FCHO2: variants seen among roughly 807,000 people sequenced by gnomAD.
FCHO2 encodes F-BAR domain only protein 2.
A neutral mutation model predicts 114.1 loss-of-function variants in FCHO2; 43 were observed. The observed-to-expected ratio is 0.38, with a 90% CI of 0.30 to 0.49. The LOEUF (loss-of-function observed/expected upper bound fraction) is 0.49. FCHO2 is among the 20% of genes least tolerant of loss of function. The pLI is 0.97. For missense variants in FCHO2, 807 were observed against 950.4 expected (o/e 0.85, Z 1.98); for synonymous variants, 293 against 315.2 (o/e 0.93, Z 0.75).
chr5:73,074,060 A>G (rs1742800170), intron 19 of FCHO2, among the ~76,000 whole-genome samples: 2 of 152,090 alleles, frequency 1.3e-5, no homozygotes. Flanking sequence ...TACATTTAAA[A>G]CAATAAACAG....
chr5:73,072,092 G>A (rs1742684576), intron 19 of FCHO2, among the ~76,000 whole-genome samples: 1 of 151,468 alleles, frequency 6.6e-6, no homozygotes, highest in Non-Finnish European at 1.5e-5. Flanking sequence ...TCAGGGATAT[G>A]ATCATAGCTC....
chr5:73,034,545 G>T (rs188981528), intron 8 of FCHO2, 112 bp from the exon 9 acceptor site: 1 of 720,354 alleles, frequency 1.4e-6, no homozygotes, highest in East Asian at 2.9e-5. Flanking sequence ...CAATTAAAAA[G>T]ATGCGTTGTC....
chr5:73,055,287 G>A (rs1400087531), intron 15 of FCHO2, among the ~76,000 whole-genome samples: 1 of 152,124 alleles, frequency 6.6e-6, no homozygotes, highest in East Asian at 1.9e-4. Context: ...TTGAAGAATA[G>A]CACAATAAAC....
At chr5:73,039,658 TG>T (rs1466790172) in intron 10 of FCHO2, among the ~76,000 whole-genome samples, 1 of 148,998 alleles carries the variant, frequency 6.7e-6, no homozygotes, top group African/African-American at 2.5e-5. Flanking sequence ...CCAGGCCCGG[TG>T]GCTCATGCCT....
At chr5:73,033,794 C>T (rs1487722159) in intron 8 of FCHO2, among the ~76,000 whole-genome samples, 1 of 152,136 alleles carries the variant, frequency 6.6e-6, no homozygotes, top group Non-Finnish European at 1.5e-5. Context: ...TACTTTCTCA[C>T]ACTGCCAAAT....
intron 10 of FCHO2, among the ~76,000 whole-genome samples, chr5:73,039,355 G>C (rs1179189298): frequency 6.6e-6 from 1 of 152,186 alleles, no homozygotes; most frequent in East Asian, 1.9e-4. Context: ...CCAATGACTG[G>C]AGTGTTTTGG....
In FCHO2 at chr5:73,068,825, A is replaced by G. The variant is rs370258789; in HGVS notation, c.1579+46A>G. On this transcript the variant is annotated intron_variant, in intron 19 of 25. Coordinates refer to ENST00000430046, the MANE Select transcript of FCHO2 (RefSeq NM_138782.3). Reference sequence around the variant, plus strand: ...ACATGTGAAATGTAGTGTACAAAGTATATGTATGCTAAATATGTATATATT... The same window carrying G: ...ACATGTGAAATGTAGTGTACAAAGTGTATGTATGCTAAATATGTATATATT... 8 of 1,558,364 alleles carry G rather than the reference A, an allele frequency of 5.1e-6. No homozygotes were observed. In the African/African-American group the frequency reaches 9.6e-5, roughly 19 times the overall value.
intron 1 of FCHO2, among the ~76,000 whole-genome samples, chr5:72,964,138 TTAAC>T (rs1402137453): frequency 6.6e-6 from 1 of 152,080 alleles, no homozygotes; most frequent in African/African-American, 2.4e-5. Context: ...AATTAAAAAA[TTAAC>T]TACTGTTTGC....
At chr5:73,048,080 A>G (rs543214942) in intron 11 of FCHO2, among the ~76,000 whole-genome samples, 2 of 137,228 alleles carry the variant, frequency 1.5e-5, no homozygotes, top group African/African-American at 5.4e-5. Context: ...GGCTCAAGCA[A>G]TCTTCCTGCC....
intron 11 of FCHO2, among the ~76,000 whole-genome samples, chr5:73,041,825 A>G (rs1756818968): frequency 6.6e-6 from 1 of 152,114 alleles, no homozygotes; most frequent in African/African-American, 2.4e-5. Flanking sequence ...ATGTGTAATT[A>G]AAGAAGACAT....
chr5:73,078,073 C>A, intron 21 of FCHO2, 107 bp from the exon 22 acceptor site: 1 of 802,388 alleles, frequency 1.2e-6, no homozygotes, highest in Non-Finnish European at 1.8e-6. Flanking sequence ...TTCATCCCAC[C>A]TCTTGGTTTA....
chr5:73,012,028 C>G (rs1025157027), intron 6 of FCHO2, among the ~76,000 whole-genome samples: 1 of 152,086 alleles, frequency 6.6e-6, no homozygotes, highest in Non-Finnish European at 1.5e-5. Context: ...GGATTACACT[C>G]TAATAATAAA....
In FCHO2 at chr5:72,991,280, T is replaced by C. The variant is rs182187028; in HGVS notation, c.495+416T>C. Among the ~76,000 whole-genome samples, 289 of 152,296 alleles carry C rather than the reference T, an allele frequency of 1.9e-3. 5 individuals carry two copies. The highest frequency in any genetic ancestry group is 6.5e-3 in the African/African-American group (272 of 41,568). ...GGTTTCGCCATGTTAGTCAGGTTGGTCTCGAACTCCTGACCTCAGGTGATC... is the reference window on the plus strand; with the variant it reads ...GGTTTCGCCATGTTAGTCAGGTTGGCCTCGAACTCCTGACCTCAGGTGATC... On this transcript the variant is annotated intron_variant, in intron 5 of 25. Coordinates refer to ENST00000430046, the MANE Select transcript of FCHO2 (RefSeq NM_138782.3).
chr5:73,030,978 A>G (rs566737019), intron 8 of FCHO2, among the ~76,000 whole-genome samples: 3 of 152,216 alleles, frequency 2.0e-5, no homozygotes, highest in Non-Finnish European at 4.4e-5. Flanking sequence ...AGCAAATGCT[A>G]TATTTGTTAT....
intron 19 of FCHO2, among the ~76,000 whole-genome samples, chr5:73,071,925 ATATT>A (rs1742678234): frequency 1.3e-5 from 2 of 152,174 alleles, no homozygotes; most frequent in Admixed American, 6.6e-5. Context: ...GTTGAAAAGA[ATATT>A]TATGCAGGTT....
At chr5:72,956,331 G>C (rs1227376974) in intron 1 of FCHO2, among the ~76,000 whole-genome samples, 5 of 151,670 alleles carry the variant, frequency 3.3e-5, no homozygotes, top group Non-Finnish European at 5.9e-5. Flanking sequence ...CTATGGGGAC[G>C]GGGGCTGTCA....
intron 1 of FCHO2, among the ~76,000 whole-genome samples, chr5:72,959,854 G>T (rs746863963): frequency 3.3e-5 from 5 of 151,066 alleles, no homozygotes; most frequent in Non-Finnish European, 7.4e-5. Flanking sequence ...AGCATGGCTC[G>T]CTGCAGCTTC....
At chr5:72,973,487 C>T (rs1422387868) in intron 2 of FCHO2, among the ~76,000 whole-genome samples, 29 of 152,192 alleles carry the variant, frequency 1.9e-4, no homozygotes, top group South Asian at 1.7e-3. Flanking sequence ...AGTTTATTTG[C>T]GTAGAGGTGT....
intron 19 of FCHO2, among the ~76,000 whole-genome samples, chr5:73,073,178 A>G (rs1324687141): frequency 6.6e-6 from 1 of 152,022 alleles, no homozygotes; most frequent in African/African-American, 2.4e-5. Context: ...ACTAGCTTTC[A>G]CCTAACTGCT....
Sources: gnomAD v4.1 joint callset for allele counts (sites outside exome capture counted in the v4.1 genomes callset) on GRCh38, gnomAD v4.1.1 for gene constraint, MANE v1.5 for transcripts, NCBI Gene and HGNC (gene_info 2026-07-23, HGNC 2026-07-21) for gene names.